Variants in ZNF385B observed in about 807,000 individuals in gnomAD.
The protein encoded by ZNF385B is zinc finger protein 533.
Under a neutral mutation model 39.2 loss-of-function variants are expected in ZNF385B, and 23 were observed. The ratio of observed to expected loss-of-function variants is 0.59; its 90% CI spans 0.42 to 0.83. The LOEUF (loss-of-function observed/expected upper bound fraction) is 0.83, where lower values mean the gene tolerates loss of function less well. Among genes scored for constraint, ZNF385B ranks in the 40% least tolerant of loss-of-function variants. The pLI is 0.00. For missense variants in ZNF385B, 552 were observed against 598.9 expected, an observed-to-expected ratio of 0.92 and a Z score of 0.82; for synonymous variants, 205 against 222.6, an observed-to-expected ratio of 0.92 and a Z score of 0.70.
chr2:179,528,418 G>A (rs1001655120), intron 4 of ZNF385B, among the ~76,000 whole-genome samples: 2 of 152,216 alleles, frequency 1.3e-5, no homozygotes, highest in Admixed American at 1.3e-4. Context: ...AACTTGGTGA[G>A]TGAATAGCAA....
intron 1 of ZNF385B, among the ~76,000 whole-genome samples, chr2:179,841,096 G>A (rs1708510880): frequency 1.3e-5 from 2 of 152,204 alleles, no homozygotes; most frequent in East Asian, 1.9e-4. Context: ...TCAGTCTGCT[G>A]ACTTTCTGCA....
intron 3 of ZNF385B, among the ~76,000 whole-genome samples, chr2:179,670,153 G>A (rs1445087711): frequency 5.9e-5 from 9 of 151,954 alleles, no homozygotes; most frequent in African/African-American, 1.7e-4. Flanking sequence ...TTAGCCGGGC[G>A]TGATGGCGGG....
chr2:179,650,165 C>T (rs985623393), intron 3 of ZNF385B, among the ~76,000 whole-genome samples: 19 of 152,174 alleles, frequency 1.2e-4, no homozygotes, highest in Non-Finnish European at 2.1e-4. Flanking sequence ...TGTTTACTGT[C>T]ATGTATGTAA....
chr2:179,750,161 T>C (rs550229102), intron 3 of ZNF385B, among the ~76,000 whole-genome samples: 4 of 152,128 alleles, frequency 2.6e-5, no homozygotes, highest in African/African-American at 7.2e-5. Context: ...TCTGACACCA[T>C]TGAAAACGGC....
chr2:179,597,595 T>G (rs1026754483), intron 3 of ZNF385B, among the ~76,000 whole-genome samples: 2 of 152,188 alleles, frequency 1.3e-5, no homozygotes, highest in Non-Finnish European at 2.9e-5. Context: ...AGTCACTCCA[T>G]CTGAGCTTTT....
At chr2:179,653,188 T>C (rs1693369932) in intron 3 of ZNF385B, among the ~76,000 whole-genome samples, 1 of 152,158 alleles carries the variant, frequency 6.6e-6, no homozygotes, top group South Asian at 2.1e-4. Context: ...ATTGATGTCA[T>C]AGAACATCAG....
intron 3 of ZNF385B, among the ~76,000 whole-genome samples, chr2:179,715,200 A>T (rs1700257063): frequency 7.1e-6 from 1 of 140,958 alleles, no homozygotes; most frequent in South Asian, 2.3e-4. Flanking sequence ...ATAACAGCTC[A>T]TGCCAAATCC....
At chr2:179,662,241 T>C (rs1488942256) in intron 3 of ZNF385B, among the ~76,000 whole-genome samples, 1 of 152,138 alleles carries the variant, frequency 6.6e-6, no homozygotes, top group African/African-American at 2.4e-5. Context: ...TGCAGCTAAC[T>C]GAAGGCAGAA....
chr2:179,522,894 A>C (rs2058607226), intron 4 of ZNF385B: 1 of 452,958 alleles, frequency 2.2e-6, no homozygotes, highest in East Asian at 7.2e-5. Context: ...GGCAAAATTT[A>C]TTGGTCTCAA....
Position 179,815,699 on chromosome 2 carries a change from G to A in ZNF385B, c.-154-45027C>T, listed in dbSNP as rs925287501. 5.3e-5 allele frequency among the ~76,000 whole-genome samples: 8 copies of A among 152,154 alleles called. No homozygotes were observed. In the East Asian group the frequency reaches 5.8e-4, roughly 11 times the overall value. ...GCTTAACCAGGTCACTAATGCCCCC[G>A]ACATTTGCAAATTCAGTGGTCAATT... On this transcript the variant is annotated intron_variant, in intron 1 of 9. Transcript: ENST00000410066.
At chr2:179,535,142 C>T (rs1323548978) in intron 4 of ZNF385B, among the ~76,000 whole-genome samples, 1 of 152,072 alleles carries the variant, frequency 6.6e-6, no homozygotes, top group African/African-American at 2.4e-5. Flanking sequence ...TTCTATGCAC[C>T]TCTACTTATT....
intron 3 of ZNF385B, among the ~76,000 whole-genome samples, chr2:179,693,667 T>C (rs894192934): frequency 2.4e-4 from 36 of 152,284 alleles, no homozygotes; most frequent in African/African-American, 8.7e-4. Context: ...CTGATAAACA[T>C]GTAACATCAT....
chr2:179,667,803 C>G (rs1237184241), intron 3 of ZNF385B, among the ~76,000 whole-genome samples: 3 of 152,170 alleles, frequency 2.0e-5, no homozygotes, highest in Admixed American at 6.5e-5. Flanking sequence ...GAGGTATACA[C>G]TGACTTGAGG....
chr2:179,738,001 T>C (rs998035111), intron 3 of ZNF385B, among the ~76,000 whole-genome samples: 1 of 152,222 alleles, frequency 6.6e-6, no homozygotes, highest in Non-Finnish European at 1.5e-5. Context: ...TCATAGAGTC[T>C]GAAGTTAGAA....
At chr2:179,749,274 GGCT>G (rs1702543812) in intron 3 of ZNF385B, among the ~76,000 whole-genome samples, 1 of 152,040 alleles carries the variant, frequency 6.6e-6, no homozygotes, top group Non-Finnish European at 1.5e-5. Context: ...TTGCAGTGCA[GGCT>G]CACCAGAGGG....
chr2:179,602,690 A>T (rs1271750228), intron 3 of ZNF385B, among the ~76,000 whole-genome samples: 2 of 152,226 alleles, frequency 1.3e-5, no homozygotes, highest in African/African-American at 4.8e-5. Context: ...AAGAGAAAAC[A>T]TCATATATAT....
At chr2:179,468,777 A>G (rs1216172099) in intron 6 of ZNF385B, among the ~76,000 whole-genome samples, 1 of 152,146 alleles carries the variant, frequency 6.6e-6, no homozygotes, top group Admixed American at 6.6e-5. Flanking sequence ...GTCTTTCTTC[A>G]TCTAGTCAGG....
intron 3 of ZNF385B, among the ~76,000 whole-genome samples, chr2:179,634,061 G>C (rs189029583): frequency 2.6e-5 from 4 of 152,244 alleles, no homozygotes; most frequent in Admixed American, 2.6e-4. Flanking sequence ...ATTAATTCAA[G>C]ATGGATCAAA....
intron 1 of ZNF385B, among the ~76,000 whole-genome samples, chr2:179,858,323 T>G (rs888398080): frequency 6.6e-6 from 1 of 152,124 alleles, no homozygotes; most frequent in Non-Finnish European, 1.5e-5. Context: ...AGATGTTAAT[T>G]AGAGCTTAAA....
Sources: gnomAD v4.1 joint callset for allele counts (sites outside exome capture counted in the v4.1 genomes callset) on GRCh38, gnomAD v4.1.1 for gene constraint, MANE v1.5 for transcripts, NCBI Gene and HGNC (gene_info 2026-07-23, HGNC 2026-07-21) for gene names.